Variants in TMEM243 observed in about 807,000 individuals in gnomAD.
TMEM243 encodes the protein transmembrane protein 243.
In TMEM243, 20 loss-of-function variants were observed where a neutral mutation model predicts 15.0. The ratio of observed to expected loss-of-function variants is 1.33; its 90% CI spans 0.94 to 1.93. The LOEUF is 1.93. Ranked by LOEUF, TMEM243 falls within the 30% of genes most tolerant of loss-of-function variation. The probability of loss-of-function intolerance (pLI) is 0.00; values close to 1 mark genes in which losing one functional copy is unlikely to be tolerated. For missense variants in TMEM243, 156 were observed against 142.1 expected, an observed-to-expected ratio of 1.10 and a Z score of -0.50; for synonymous variants, 72 against 52.7, an observed-to-expected ratio of 1.37 and a Z score of -1.59.
intron 1 of TMEM243, among the ~76,000 whole-genome samples, chr7:87,211,570 T>C (rs1802752411): frequency 6.6e-6 from 1 of 152,156 alleles, no homozygotes; most frequent in African/African-American, 2.4e-5. Context: ...TCACAACTTC[T>C]CACCATGAAA....
At chr7:87,202,037 C>A (rs1440043610) in intron 1 of TMEM243, among the ~76,000 whole-genome samples, 1 of 152,108 alleles carries the variant, frequency 6.6e-6, no homozygotes, top group Non-Finnish European at 1.5e-5. Flanking sequence ...TAAAGACAGA[C>A]GTTGTGTGCA....
In TMEM243 at chr7:87,219,637, G is replaced by A. The variant is rs1803361267; in HGVS notation, c.-134C>T. ...GAACCCGAGTGGTCGGGGAAGCGCT[G>A]GCGCCAGGGATGGGTGGGGGCTCAC... On this transcript the variant is annotated 5_prime_UTR_variant, in exon 1 of 4. Coordinates refer to ENST00000257637, the MANE Select transcript of TMEM243 (RefSeq NM_024315.4). 3.3e-5 allele frequency: 25 copies of A among 755,848 alleles called. 2 individuals are homozygous for A. The South Asian group carries it at 4.1e-4, about 12-fold the overall frequency. 46.8% of individuals were successfully genotyped at this position (755,848 alleles called of 1,614,324 possible). A position where few individuals can be genotyped will look rare whatever the true frequency, so the allele number is the denominator to read the frequency against.
At chr7:87,197,714 T>TGA in intron 3 of TMEM243, 1 of 429,084 alleles carries the variant, frequency 2.3e-6, no homozygotes. Context: ...TTTTTTTTTT[T>TGA]TTAAGCTATC....
chr7:87,219,640 GC>G lies in TMEM243; in HGVS notation c.-138del. 1 of 728,744 alleles carries G rather than the reference GC, an allele frequency of 1.4e-6. No homozygotes were observed. The highest frequency in any genetic ancestry group is 2.3e-6 in the Non-Finnish European group (1 of 429,264). 45.1% of individuals were successfully genotyped at this position (728,744 alleles called of 1,614,324 possible). ...CCCGAGTGGTCGGGGAAGCGCTGGC[GC>G]CAGGGATGGGTGGGGGCTCACACGC... is the stretch of plus-strand genomic sequence containing the variant. On this transcript the variant is annotated 5_prime_UTR_variant, in exon 1 of 4. Coordinates refer to ENST00000257637, the MANE Select transcript of TMEM243 (RefSeq NM_024315.4).
At chr7:87,214,156 A>G (rs1802950222) in intron 1 of TMEM243, among the ~76,000 whole-genome samples, 1 of 152,130 alleles carries the variant, frequency 6.6e-6, no homozygotes, top group Non-Finnish European at 1.5e-5. Flanking sequence ...TTCTCGAGAA[A>G]ACCATTCTCT....
intron 1 of TMEM243, 81 bp from the exon 2 acceptor site, chr7:87,199,138 G>T: frequency 3.4e-6 from 4 of 1,178,216 alleles, no homozygotes; most frequent in African/African-American, 1.6e-5. Context: ...GCATTTGGAT[G>T]GTTTACTATA....
chr7:87,197,481 A>G (rs1801392339), intron 3 of TMEM243, among the ~76,000 whole-genome samples: 1 of 152,046 alleles, frequency 6.6e-6, no homozygotes, highest in African/African-American at 2.4e-5. Context: ...TAGATTTCCC[A>G]GGAGGTTTTG....
Position 87,219,525 on chromosome 7 carries a change from C to T in TMEM243, c.-22G>A. 6.2e-7 allele frequency: 1 copy of T among 1,612,814 alleles called. No individual in the cohort carries two copies. Among genetic ancestry groups the T allele is most frequent in the Non-Finnish European group, 8.5e-7 (1 of 1,178,822 alleles). ...CCATTTTGGGGTTTCTTCACTTTCCCCAAGCCACTTAAAAGCAAGACAGCA... is the reference window on the plus strand; with the variant it reads ...CCATTTTGGGGTTTCTTCACTTTCCTCAAGCCACTTAAAAGCAAGACAGCA... On this transcript the variant is annotated 5_prime_UTR_variant, in exon 1 of 4. Transcript: ENST00000257637.
At chr7:87,212,479 C>T (rs1802822167) in intron 1 of TMEM243, among the ~76,000 whole-genome samples, 1 of 152,098 alleles carries the variant, frequency 6.6e-6, no homozygotes, top group South Asian at 2.1e-4. Context: ...TTACCAAAGA[C>T]CAGCAAAAAT....
chr7:87,204,128 G>A (rs1306062515), intron 1 of TMEM243, among the ~76,000 whole-genome samples: 1 of 152,146 alleles, frequency 6.6e-6, no homozygotes, highest in Non-Finnish European at 1.5e-5. Flanking sequence ...CAAGCAAAAG[G>A]GGAAACCCCT....
intron 1 of TMEM243, among the ~76,000 whole-genome samples, chr7:87,209,689 A>AGACACAGTGAGAGCGAGACACAGT (rs1237661489): frequency 0.19 from 11,583 of 60,328 alleles, 2,444 homozygotes; most frequent in East Asian, 0.27. Context: ...AGACACAGCG[A>AGACACAGTGAGAGCGAGACACAGT]GAGAGCGAGA....
upstream of TMEM243, chr7:87,219,774 C>T (rs974218781): frequency 2.7e-5 from 13 of 474,638 alleles, no homozygotes; most frequent in Non-Finnish European, 4.5e-5. Context: ...CAGCGGGACG[C>T]CCCCGCCCGG....
intron 1 of TMEM243, among the ~76,000 whole-genome samples, chr7:87,214,990 TCAGG>T (rs145525666): frequency 0.045 from 6,929 of 152,292 alleles, 190 homozygotes; most frequent in Middle Eastern, 0.071. Context: ...AAGTCAGTGC[TCAGG>T]AAGTTTTGGA....
At chr7:87,203,113 G>A (rs1801939777) in intron 1 of TMEM243, 1 of 152,198 alleles carries the variant, frequency 6.6e-6, no homozygotes, top group Non-Finnish European at 1.5e-5. Context: ...GAAATATCCT[G>A]GTTCTAAACA....
At chr7:87,213,074 C>T (rs543745207) in intron 1 of TMEM243, among the ~76,000 whole-genome samples, 7 of 152,266 alleles carry the variant, frequency 4.6e-5, no homozygotes, top group East Asian at 1.9e-4. Flanking sequence ...GAAAGGAGAA[C>T]GACATTTATG....
At chr7:87,216,523 C>G (rs1436423651) in intron 1 of TMEM243, among the ~76,000 whole-genome samples, 2 of 152,120 alleles carry the variant, frequency 1.3e-5, no homozygotes, top group Admixed American at 6.5e-5. Flanking sequence ...ATGACTATGT[C>G]TGTAAAGCTA....
intron 3 of TMEM243, chr7:87,197,714 TTTA>T (rs372931746): frequency 0.18 from 75,270 of 425,560 alleles, 15,462 homozygotes; most frequent in African/African-American, 0.34. Flanking sequence ...TTTTTTTTTT[TTTA>T]AGCTATCAAG....
intron 1 of TMEM243, among the ~76,000 whole-genome samples, chr7:87,209,444 G>C (rs1337393929): frequency 6.6e-6 from 1 of 151,828 alleles, no homozygotes; most frequent in African/African-American, 2.4e-5. Context: ...GACAGAGATT[G>C]AGACAGTGAG....
rs537684035 is a variant in TMEM243, at chr7:87,197,513, GAAAC to G, written c.234+424_234+427del. ...TTTGGTGTTAATACCTCCATTTTGGGAAACAAACATGTAGATTAAACTAATTTTG... is the reference window on the plus strand; with the variant it reads ...TTTGGTGTTAATACCTCCATTTTGGGAAACATGTAGATTAAACTAATTTTG... On this transcript the variant is annotated intron_variant, in intron 3 of 3. Transcript: ENST00000257637. Among the ~76,000 whole-genome samples the G allele has an allele frequency of 3.9e-5, 6 of 151,958 alleles. No individual in the cohort carries two copies. In the South Asian group the frequency reaches 1.2e-3, roughly 32 times the overall value.
Sources: gnomAD v4.1 joint callset for allele counts (sites outside exome capture counted in the v4.1 genomes callset) on GRCh38, gnomAD v4.1.1 for gene constraint, MANE v1.5 for transcripts, NCBI Gene and HGNC (gene_info 2026-07-23, HGNC 2026-07-21) for gene names.